PNPLA1: variants seen among roughly 807,000 people sequenced by gnomAD.
The protein encoded by PNPLA1 is patatin like domain 1, omega-hydroxyceramide transacylase, also known as omega-hydroxyceramide transacylase.
In PNPLA1, 36 loss-of-function variants were observed where a neutral mutation model predicts 51.7. That is an observed-to-expected ratio of 0.70 (90% CI 0.53 to 0.92). The LOEUF (loss-of-function observed/expected upper bound fraction) is 0.92, where lower values mean the gene tolerates loss of function less well. Ranked by LOEUF, PNPLA1 falls within the 40% of genes least tolerant of loss-of-function variation. The pLI is 0.00. For missense variants in PNPLA1, 658 were observed against 682.5 expected, an observed-to-expected ratio of 0.96 and a Z score of 0.40; for synonymous variants, 293 against 280.1, an observed-to-expected ratio of 1.05 and a Z score of -0.46.
chr6:36,264,775 A>G (rs1769725760), intron 1 of PNPLA1, among the ~76,000 whole-genome samples: 2 of 152,190 alleles, frequency 1.3e-5, no homozygotes, highest in Admixed American at 1.3e-4. Flanking sequence ...TTTCATTATA[A>G]GAAAAAAGAT....
intron 1 of PNPLA1, among the ~76,000 whole-genome samples, chr6:36,262,759 C>T (rs1485501645): frequency 2.0e-5 from 3 of 152,292 alleles, no homozygotes; most frequent in South Asian, 2.1e-4. Context: ...TCTTGGAGAA[C>T]GTTCCCTATG....
chr6:36,270,680 T>C lies in PNPLA1; in HGVS notation c.205+16T>C. On this transcript the variant is annotated intron_variant, in intron 1 of 8. Transcript: ENST00000636260. ...ATTGAAATGGGTGAGGCCTGTGTTCTGGGTCCCCTGGGAAGTCTCTTGGGG... is the reference window on the plus strand; with the variant it reads ...ATTGAAATGGGTGAGGCCTGTGTTCCGGGTCCCCTGGGAAGTCTCTTGGGG... 3.2e-6 allele frequency: 5 copies of C among 1,549,406 alleles called. No individual in the cohort carries two copies. The highest frequency in any genetic ancestry group is 2.4e-5 in the East Asian group (1 of 40,906).
chr6:36,273,546 G>A (rs534319915), intron 1 of PNPLA1, among the ~76,000 whole-genome samples: 7 of 151,526 alleles, frequency 4.6e-5, no homozygotes, highest in Admixed American at 2.0e-4. Context: ...TTTTCCGGGC[G>A]CCTGCGTTGC....
intron 1 of PNPLA1, among the ~76,000 whole-genome samples, chr6:36,279,090 T>A (rs1770198761): frequency 6.6e-6 from 1 of 152,030 alleles, no homozygotes; most frequent in South Asian, 2.1e-4. Context: ...GGTCTGCAGG[T>A]GTAGTTGCCC....
chr6:36,305,182 AT>A (rs928332896), intron 6 of PNPLA1, among the ~76,000 whole-genome samples: 1 of 151,880 alleles, frequency 6.6e-6, no homozygotes, highest in South Asian at 2.1e-4. Flanking sequence ...ACATTGTGAG[AT>A]TTTTTTTGGA....
intron 2 of PNPLA1, 138 bp from the exon 3 acceptor site, chr6:36,292,923 T>C (rs1326746051): frequency 3.1e-6 from 2 of 653,924 alleles, no homozygotes; most frequent in East Asian, 5.8e-5. Context: ...AACTCGGAGC[T>C]TTGCTTCCCA....
chr6:36,297,611 C>A lies in PNPLA1; in HGVS notation c.775+2187C>A, dbSNP rs558592797. 2.0e-5 allele frequency among the ~76,000 whole-genome samples: 3 copies of A among 152,354 alleles called. No homozygotes were observed. The South Asian group carries it at 6.2e-4, about 32-fold the overall frequency. On this transcript the variant is annotated intron_variant, in intron 5 of 8. Transcript: ENST00000636260. ...ATTATTCTTGCTGCCAGGCAAGCCA[C>A]TCTGTCTACACTCGGCCCATCCTTG... is the stretch of plus-strand genomic sequence containing the variant.
chr6:36,311,202 A>G (rs1407741652), intron 8 of PNPLA1, among the ~76,000 whole-genome samples: 1 of 152,192 alleles, frequency 6.6e-6, no homozygotes, highest in Admixed American at 6.5e-5. Flanking sequence ...CTGGATTACT[A>G]TGGAATAGAA....
Position 36,282,140 on chromosome 6 carries a change from A to G in PNPLA1, c.206-9180A>G, listed in dbSNP as rs553093500. Among the ~76,000 whole-genome samples, 208 of 127,590 alleles carry G rather than the reference A, an allele frequency of 1.6e-3. 4 individuals are homozygous for G. The highest frequency in any genetic ancestry group is 4.1e-3 in the South Asian group (16 of 3,860). The allele number at this position is 127,590 out of a possible 152,430, so 83.7% of individuals were successfully genotyped here. Reference sequence around the variant, plus strand: ...AGGAAGGAAGGAAGGAAGGAAGGAAAGAGAGACAGAGAGAGAGAGAAAGAA... The same window carrying G: ...AGGAAGGAAGGAAGGAAGGAAGGAAGGAGAGACAGAGAGAGAGAGAAAGAA... On this transcript the variant is annotated intron_variant, in intron 1 of 8. Transcript: ENST00000636260.
intron 1 of PNPLA1, among the ~76,000 whole-genome samples, chr6:36,275,709 CT>C (rs1340550830): frequency 6.6e-6 from 1 of 152,172 alleles, no homozygotes; most frequent in Non-Finnish European, 1.5e-5. Context: ...CTTCTTCCTC[CT>C]TTTTTCTTCT....
intron 5 of PNPLA1, among the ~76,000 whole-genome samples, chr6:36,296,503 T>C (rs1274678983): frequency 1.3e-5 from 2 of 152,204 alleles, no homozygotes; most frequent in African/African-American, 4.8e-5. Flanking sequence ...TTCGTGATTA[T>C]GAGTAATTCT....
At position 36,306,308 on chromosome 6, in the gene PNPLA1, C is replaced by G. The variant is rs764436384; in HGVS notation, c.1401C>G (p.Val467=). 1.2e-6 allele frequency: 2 copies of G among 1,612,656 alleles called. No homozygotes were observed. Among genetic ancestry groups the G allele is most frequent in the Admixed American group, 3.3e-5 (2 of 59,734 alleles). Residue 467 remains valine, a synonymous_variant, in exon 7 of 9, where the codon GTC becomes GTG. Transcript: ENST00000636260. The part of the protein sequence containing the change: ...QEQPQAVALL[V]SSKPKSAVPL... ...TACTTTTAGCTGTAGCTCTTCTTGTCTCTTCAAAACCAAAAAGCGCCGTGC... is the reference window on the plus strand; with the variant it reads ...TACTTTTAGCTGTAGCTCTTCTTGTGTCTTCAAAACCAAAAAGCGCCGTGC...
chr6:36,276,353 A>G (rs1050743407), intron 1 of PNPLA1, among the ~76,000 whole-genome samples: 6 of 152,126 alleles, frequency 3.9e-5, no homozygotes, highest in African/African-American at 1.4e-4. Context: ...TTTCCTGTGA[A>G]AGCTGAGGTG....
At chr6:36,252,062 G>C (rs966570547) in intron 1 of PNPLA1, among the ~76,000 whole-genome samples, 1 of 152,204 alleles carries the variant, frequency 6.6e-6, no homozygotes, top group Non-Finnish European at 1.5e-5. Flanking sequence ...GAGACCCCAG[G>C]TAAGGAAGTT....
intron 1 of PNPLA1, 69 bp downstream of exon 1, chr6:36,270,733 G>A: frequency 1.3e-6 from 2 of 1,507,354 alleles, no homozygotes; most frequent in Non-Finnish European, 9.0e-7. Context: ...AGGAGCGTGA[G>A]GGAGGCTGGG....
Position 36,294,324 on chromosome 6 carries a change from GT to G in PNPLA1, c.641del (p.Phe214SerfsTer15). The G allele has an allele frequency of 6.2e-7, 1 of 1,614,210 alleles. No homozygotes were observed. Among genetic ancestry groups the G allele is most frequent in the Non-Finnish European group, 8.5e-7 (1 of 1,180,040 alleles). ...CGGCCATCTTCCACGACTTCCGCAT[GT>G]TCAACTGCTCCTTCCAGTTCTCCCT... ...CPAIFHDFRM[F>X]NCSFQFSLEN... is the part of the protein sequence containing the mutation. On this transcript the variant is annotated frameshift_variant, in exon 4 of 9. Coordinates refer to ENST00000636260, the MANE Select transcript of PNPLA1 (RefSeq NM_001374623.1). LOFTEE classifies it high-confidence loss of function. The surrounding 1 kb of genome is among the most constrained non-coding windows in gnomAD (Gnocchi z 4.2).
rs902887354 is a variant in PNPLA1 at position 36,312,263 on chromosome 6, C to A, written c.*377C>A. 1 of 152,202 alleles carries A rather than the reference C, an allele frequency of 6.6e-6. No individual in the cohort carries two copies. The highest frequency in any genetic ancestry group is 1.5e-5 in the Non-Finnish European group (1 of 68,066). 9.4% of individuals were successfully genotyped at this position (152,202 alleles called of 1,614,324 possible). ...TCAGCCATCCGGAGACCACTTCAGCCCCATCCCCTTCCTAAAAAAACAAGT... is the reference window on the plus strand; with the variant it reads ...TCAGCCATCCGGAGACCACTTCAGCACCATCCCCTTCCTAAAAAAACAAGT... On this transcript the variant is annotated 3_prime_UTR_variant, in exon 9 of 9. Transcript: ENST00000636260.
At chr6:36,299,424 T>C (rs1398480206) in intron 5 of PNPLA1, among the ~76,000 whole-genome samples, 2 of 146,376 alleles carry the variant, frequency 1.4e-5, no homozygotes, top group African/African-American at 5.1e-5. Context: ...AAGCTCCACC[T>C]CCTGGGTTCA....
chr6:36,246,668 T>G (rs908629704), intron 1 of PNPLA1, among the ~76,000 whole-genome samples: 3 of 152,134 alleles, frequency 2.0e-5, no homozygotes, highest in Non-Finnish European at 4.4e-5. Context: ...ACTAGACGCT[T>G]TCCCACCCAG....
Sources: allele counts gnomAD v4.1 joint callset (sites outside exome capture counted in the v4.1 genomes callset), GRCh38; gene constraint gnomAD v4.1.1; non-coding constraint Gnocchi (gnomAD v3.1); transcripts MANE v1.5; gene names NCBI Gene and HGNC (gene_info 2026-07-23, HGNC 2026-07-21).